Variants in SGTB observed in about 807,000 individuals in gnomAD.
SGTB encodes small glutamine rich tetratricopeptide repeat co-chaperone beta, also known as small glutamine-rich tetratricopeptide repeat-containing protein beta.
Under a neutral mutation model 43.9 loss-of-function variants are expected in SGTB, and 19 were observed. That is an observed-to-expected ratio of 0.43 (90% CI 0.30 to 0.63). The LOEUF (loss-of-function observed/expected upper bound fraction) is 0.63, where lower values mean the gene tolerates loss of function less well. Ranked by LOEUF, SGTB falls within the 30% of genes least tolerant of loss-of-function variation. SGTB has a pLI of 0.12. For synonymous variants in SGTB, 116 were observed against 117.3 expected (o/e 0.99, Z 0.07); for missense variants, 304 against 358.9 (o/e 0.85, Z 1.24).
intron 6 of SGTB, 31 bp from the exon 7 acceptor site, chr5:65,680,825 T>C: frequency 1.3e-6 from 2 of 1,599,986 alleles, no homozygotes; most frequent in South Asian, 2.2e-5. Flanking sequence ...GAATATCAGA[T>C]ATATGATTAA....
At chr5:65,683,627 G>T (rs1355452361) in intron 6 of SGTB, among the ~76,000 whole-genome samples, 1 of 151,980 alleles carries the variant, frequency 6.6e-6, no homozygotes, top group Non-Finnish European at 1.5e-5. Context: ...GGGGAAACAG[G>T]GCAAGTGTAG....
At chr5:65,697,676 G>T (rs1310725726) in intron 5 of SGTB, among the ~76,000 whole-genome samples, 1 of 152,076 alleles carries the variant, frequency 6.6e-6, no homozygotes, top group Non-Finnish European at 1.5e-5. Flanking sequence ...ATTAATAAAG[G>T]AATTTTTGTG....
intron 6 of SGTB, among the ~76,000 whole-genome samples, chr5:65,683,425 T>A (rs1342639309): frequency 6.6e-6 from 1 of 152,156 alleles, no homozygotes; most frequent in Non-Finnish European, 1.5e-5. Flanking sequence ...AATTCATAAA[T>A]ACAGAATCTG....
chr5:65,695,299 C>G (rs1757697080), intron 5 of SGTB, among the ~76,000 whole-genome samples: 1 of 152,130 alleles, frequency 6.6e-6, no homozygotes, highest in African/African-American at 2.4e-5. Context: ...GGATCAGACT[C>G]AGAGAGAAGA....
At chr5:65,685,616 T>G in intron 5 of SGTB, 144 bp from the exon 6 acceptor site, 1 of 604,776 alleles carries the variant, frequency 1.7e-6, no homozygotes. Flanking sequence ...TCTAAGATAA[T>G]TATGTAATAA....
chr5:65,704,022 T>A (rs992589320), intron 5 of SGTB, among the ~76,000 whole-genome samples: 9 of 133,372 alleles, frequency 6.7e-5, no homozygotes, highest in African/African-American at 2.5e-4. Context: ...TGGGTGACAG[T>A]GAGACTCCGT....
At position 65,669,784 on chromosome 5, in the gene SGTB, T is replaced by TA. The variant is rs1757119076; in HGVS notation, c.*461dup. The TA allele has an allele frequency of 6.5e-6, 1 of 153,642 alleles. No individual in the cohort carries two copies. Among genetic ancestry groups the TA allele is most frequent in the African/African-American group, 2.4e-5 (1 of 41,460 alleles). The allele number at this position is 153,642 out of a possible 1,614,324, so 9.5% of individuals were successfully genotyped here. On this transcript the variant is annotated 3_prime_UTR_variant, in exon 11 of 11. Coordinates refer to ENST00000381007, the MANE Select transcript of SGTB (RefSeq NM_019072.3). ...AGATAATATTCCTTCTTTCCTGACA[T>TA]ACTGCTCAGTGGCAAGTACACTTCT...
At chr5:65,699,968 C>A (rs1757782370) in intron 5 of SGTB, among the ~76,000 whole-genome samples, 1 of 152,184 alleles carries the variant, frequency 6.6e-6, no homozygotes, top group Admixed American at 6.5e-5. Flanking sequence ...CCTCCAGTGG[C>A]AGTGCTAGTG....
chr5:65,679,847 T>G (rs1015143262), intron 8 of SGTB, among the ~76,000 whole-genome samples: 2 of 152,200 alleles, frequency 1.3e-5, no homozygotes, highest in Non-Finnish European at 2.9e-5. Flanking sequence ...CTTTCTACTG[T>G]AAATACACAT....
At chr5:65,700,435 G>A (rs1355692325) in intron 5 of SGTB, among the ~76,000 whole-genome samples, 9 of 152,092 alleles carry the variant, frequency 5.9e-5, no homozygotes, top group African/African-American at 1.7e-4. Context: ...TTGGGAGGCC[G>A]AGGCGGGTGG....
At chr5:65,685,229 C>T (rs1757475934) in intron 6 of SGTB, 139 bp downstream of exon 6, 4 of 663,282 alleles carry the variant, frequency 6.0e-6, no homozygotes, top group Non-Finnish European at 7.6e-6. Context: ...AAATTGTAGT[C>T]ATTTCCTCCC....
chr5:65,704,895 T>A (rs1377370394), intron 4 of SGTB, among the ~76,000 whole-genome samples: 1 of 152,216 alleles, frequency 6.6e-6, no homozygotes, highest in Non-Finnish European at 1.5e-5. Context: ...GCAGATAATA[T>A]TTTTATGTGC....
At chr5:65,707,598 C>T (rs910610184) in intron 4 of SGTB, among the ~76,000 whole-genome samples, 2 of 151,948 alleles carry the variant, frequency 1.3e-5, no homozygotes, top group African/African-American at 4.8e-5. Flanking sequence ...CCATGCCCAG[C>T]TAATTTTTGT....
chr5:65,701,659 GTC>G (rs2150717140), intron 5 of SGTB, among the ~76,000 whole-genome samples: 1 of 138,178 alleles, frequency 7.2e-6, no homozygotes, highest in East Asian at 2.0e-4. Context: ...TTGAGACAGA[GTC>G]TCACTCTGTC....
chr5:65,690,517 A>AGATTCTCAACTTG (rs1159380582), intron 5 of SGTB, among the ~76,000 whole-genome samples: 1 of 152,228 alleles, frequency 6.6e-6, no homozygotes, highest in African/African-American at 2.4e-5. Context: ...TGGATACAAA[A>AGATTCTCAACTTG]GATATCACTT....
chr5:65,677,253 C>T (rs1330740713), intron 8 of SGTB, among the ~76,000 whole-genome samples: 1 of 151,058 alleles, frequency 6.6e-6, no homozygotes, highest in Non-Finnish European at 1.5e-5. Context: ...TTCCTGGACA[C>T]ATACATCCTC....
Position 65,712,224 on chromosome 5 carries a change from T to C in SGTB, c.204+737A>G, listed in dbSNP as rs554834920. On this transcript the variant is annotated intron_variant, in intron 3 of 10. Coordinates refer to ENST00000381007, the MANE Select transcript of SGTB (RefSeq NM_019072.3). Reference sequence around the variant, plus strand: ...AGGTGGCTGAGGCTGCAATGAGCCATGATCACACCACTAGACTGCAGGCTG... The same window carrying C: ...AGGTGGCTGAGGCTGCAATGAGCCACGATCACACCACTAGACTGCAGGCTG... Among the ~76,000 whole-genome samples the C allele has an allele frequency of 1.4e-4, 22 of 152,250 alleles. No homozygotes were observed. The South Asian group carries it at 3.9e-3, about 27-fold the overall frequency.
In SGTB at chr5:65,704,302, A is replaced by G. The variant is rs1757889193; in HGVS notation, c.351T>C (p.Asn117=). The G allele has an allele frequency of 6.2e-7, 1 of 1,611,966 alleles. No homozygotes were observed. Among genetic ancestry groups the G allele is most frequent in the Non-Finnish European group, 8.5e-7 (1 of 1,179,048 alleles). ...CYTQAIELDP[N]NAVYYCNRAA... The stretch of plus-strand genomic sequence containing the variant: ...ACCTGTTGCAATAGTAAACTGCATT[A>G]TTGGGATCCAATTCTATTGCCTGTG... The change falls in exon 5 of 11, where the codon AAT becomes AAC. Residue 117 remains asparagine (N), a synonymous_variant. Transcript: ENST00000381007.
intron 3 of SGTB, among the ~76,000 whole-genome samples, chr5:65,712,332 C>A (rs1758059240): frequency 6.6e-6 from 1 of 152,162 alleles, no homozygotes; most frequent in Non-Finnish European, 1.5e-5. Flanking sequence ...GCCCTAAACT[C>A]CCTAAACTTA....
Sources: allele counts gnomAD v4.1 joint callset (sites outside exome capture counted in the v4.1 genomes callset), GRCh38; gene constraint gnomAD v4.1.1; transcripts MANE v1.5; gene names NCBI Gene and HGNC (gene_info 2026-07-23, HGNC 2026-07-21).